Variants in FAM234B observed in about 807,000 individuals in gnomAD.
The protein encoded by FAM234B is protein FAM234B.
Under a neutral mutation model 69.3 loss-of-function variants are expected in FAM234B, and 33 were observed. That is an observed-to-expected ratio of 0.48 (90% confidence interval 0.36 to 0.64). The LOEUF (loss-of-function observed/expected upper bound fraction) is 0.64, where lower values mean the gene tolerates loss of function less well. FAM234B is among the 30% of genes least tolerant of loss of function. FAM234B has a pLI of 0.00. For synonymous variants in FAM234B, 306 were observed against 306.9 expected (o/e 1.00, Z 0.03); for missense variants, 697 against 769.7 (o/e 0.91, Z 1.12).
At chr12:13,057,312 A>G (rs1486093845) in intron 2 of FAM234B, among the ~76,000 whole-genome samples, 1 of 152,136 alleles carries the variant, frequency 6.6e-6, no homozygotes, top group Non-Finnish European at 1.5e-5. Flanking sequence ...TAATTTTTTG[A>G]AAACAATTTA....
intron 7 of FAM234B, 87 bp from the exon 8 acceptor site, chr12:13,068,217 A>T: frequency 1.5e-6 from 2 of 1,319,938 alleles, no homozygotes; most frequent in South Asian, 1.2e-5. Context: ...GTACAGGTGT[A>T]CGTATACTGA....
chr12:13,059,485 G>A (rs1024874332), intron 3 of FAM234B, among the ~76,000 whole-genome samples: 1 of 152,194 alleles, frequency 6.6e-6, no homozygotes, highest in African/African-American at 2.4e-5. Context: ...AAGAAAAAAT[G>A]CGTTCTGATT....
intron 9 of FAM234B, among the ~76,000 whole-genome samples, chr12:13,070,788 G>A (rs1865097772): frequency 6.6e-6 from 1 of 152,046 alleles, no homozygotes; most frequent in Admixed American, 6.5e-5. Context: ...CCGTGCCCCA[G>A]GACAGTGTTC....
intron 11 of FAM234B, among the ~76,000 whole-genome samples, chr12:13,076,344 C>A (rs1865160320): frequency 6.6e-6 from 1 of 152,146 alleles, no homozygotes; most frequent in Non-Finnish European, 1.5e-5. Context: ...GGGTGAGAAC[C>A]CATATGCTCT....
Position 13,055,697 on chromosome 12 carries a change from T to A in FAM234B, c.184T>A (p.Ser62Thr). The change falls in exon 2 of 13, where the codon TCA (serine) becomes ACA (threonine). Residue 62 changes from serine (S) to threonine (T), a missense_variant. Physicochemically the swap from Ser to Thr is moderately conservative, Grantham distance 58. Around this residue, in one of 3 missense-constraint regions of FAM234B, gnomAD observed 380 missense variants for 447.1 expected, o/e 0.85. Transcript: ENST00000197268. The part of the protein sequence containing the change: ...SPLGEAPEPD[S>T]DAEVAEAAKP... ...TTTGGGAGAAGCGCCAGAACCCGAC[T>A]CAGATGCTGAGGTTGCAGAGGCTGC... is the stretch of plus-strand genomic sequence containing the variant. 1 of 1,614,218 alleles carries A rather than the reference T, an allele frequency of 6.2e-7. No individual in the cohort carries two copies. The highest frequency in any genetic ancestry group is 8.5e-7 in the Non-Finnish European group (1 of 1,180,036).
chr12:13,053,992 C>G (rs572082077), intron 1 of FAM234B, among the ~76,000 whole-genome samples: 112 of 152,342 alleles, frequency 7.4e-4, no homozygotes, highest in South Asian at 1.4e-3. Context: ...AAATATGGCT[C>G]TATTCTACCC....
intron 9 of FAM234B, 102 bp from the exon 10 acceptor site, chr12:13,071,139 T>C: frequency 8.0e-7 from 1 of 1,247,958 alleles, no homozygotes; most frequent in Middle Eastern, 2.2e-4. Context: ...CGTGTTGATA[T>C]TTGTGTTATT....
At chr12:13,068,788 C>T (rs1565510766) in intron 9 of FAM234B, 77 bp downstream of exon 9, 1 of 931,478 alleles carries the variant, frequency 1.1e-6, no homozygotes, top group East Asian at 2.5e-5. Context: ...TTAGGCACAG[C>T]AGGGAATAAA....
At chr12:13,058,984 G>C (rs1304897326) in intron 3 of FAM234B, among the ~76,000 whole-genome samples, 1 of 152,190 alleles carries the variant, frequency 6.6e-6, no homozygotes, top group Non-Finnish European at 1.5e-5. Flanking sequence ...AATACCTCTT[G>C]GCCGGGTGTT....
intron 10 of FAM234B, among the ~76,000 whole-genome samples, chr12:13,072,566 C>T (rs1212371856): frequency 6.6e-6 from 1 of 151,928 alleles, no homozygotes; most frequent in African/African-American, 2.4e-5. Context: ...CTCGTCTCTA[C>T]TAAAAATACA....
intron 11 of FAM234B, among the ~76,000 whole-genome samples, chr12:13,076,693 A>C (rs1346893051): frequency 1.3e-5 from 2 of 152,252 alleles, no homozygotes; most frequent in Non-Finnish European, 1.5e-5. Context: ...CATAACCACT[A>C]TTAGCATTTT....
intron 11 of FAM234B, among the ~76,000 whole-genome samples, chr12:13,078,295 T>C (rs1865184358): frequency 6.6e-6 from 1 of 152,198 alleles, no homozygotes; most frequent in African/African-American, 2.4e-5. Flanking sequence ...TTGTCAATTT[T>C]GTCTTTTGTT....
intron 3 of FAM234B, 92 bp downstream of exon 3, chr12:13,058,641 G>C: frequency 9.6e-7 from 1 of 1,041,616 alleles, no homozygotes; most frequent in Non-Finnish European, 1.5e-6. Flanking sequence ...CTGCAGAGAA[G>C]GATCTGCAGT....
At chr12:13,072,356 A>C (rs1438952314) in intron 10 of FAM234B, among the ~76,000 whole-genome samples, 1 of 152,222 alleles carries the variant, frequency 6.6e-6, no homozygotes, top group Non-Finnish European at 1.5e-5. Context: ...GACCGTGGGC[A>C]ATTTACCTAA....
rs372695820 is a variant in FAM234B at position 13,080,609 on chromosome 12, A to G, written c.1864-16A>G. 15 of 1,602,290 alleles carry G rather than the reference A, an allele frequency of 9.4e-6. No individual in the cohort carries two copies. Among genetic ancestry groups the G allele is most frequent in the Admixed American group, 1.7e-5 (1 of 59,902 alleles). ...CCATGAAAAACAATAAAGTCACGAT[A>G]ACTCTTTTTCCATAGATCTAATCTG... is the stretch of plus-strand genomic sequence containing the variant. On this transcript the variant is annotated splice_polypyrimidine_tract_variant and intron_variant, in intron 12 of 12. Coordinates refer to ENST00000197268, the MANE Select transcript of FAM234B (RefSeq NM_020853.2).
intron 9 of FAM234B, among the ~76,000 whole-genome samples, chr12:13,068,969 T>C (rs371124508): frequency 2.0e-5 from 3 of 152,090 alleles, no homozygotes; most frequent in Admixed American, 1.3e-4. Context: ...CAGTTAGGCA[T>C]TGGGGGCCTT....
chr12:13,049,450 G>T (rs1022972876), intron 1 of FAM234B, among the ~76,000 whole-genome samples: 3 of 152,246 alleles, frequency 2.0e-5, no homozygotes, highest in Non-Finnish European at 4.4e-5. Context: ...AAAGTGCTGG[G>T]ATTACAGGCG....
chr12:13,070,605 C>A (rs750480193), intron 9 of FAM234B, among the ~76,000 whole-genome samples: 10 of 152,072 alleles, frequency 6.6e-5, no homozygotes, highest in Non-Finnish European at 1.0e-4. Flanking sequence ...AGACATATGC[C>A]AGGATTATGA....
At chr12:13,072,448 T>C (rs1591601765) in intron 10 of FAM234B, among the ~76,000 whole-genome samples, 2 of 152,184 alleles carry the variant, frequency 1.3e-5, no homozygotes, top group South Asian at 2.1e-4. Flanking sequence ...ATAAAAAATA[T>C]CGGCTGGGCG....
Sources: allele counts gnomAD v4.1 joint callset (sites outside exome capture counted in the v4.1 genomes callset), GRCh38; gene constraint gnomAD v4.1.1; regional missense constraint gnomAD v4.1.1; transcripts MANE v1.5; gene names NCBI Gene and HGNC (gene_info 2026-07-23, HGNC 2026-07-21).